PPP2R2B: variants seen among roughly 807,000 people sequenced by gnomAD.
The protein encoded by PPP2R2B is protein phosphatase 2 regulatory subunit Bbeta, also known as serine/threonine-protein phosphatase 2A 55 kDa regulatory subunit B beta isoform.
PPP2R2B carries 5 observed loss-of-function variants against 46.0 expected under a neutral mutation model. The ratio of observed to expected loss-of-function variants is 0.11; its 90% CI spans 0.06 to 0.23. PPP2R2B has a LOEUF of 0.23. Among genes scored for constraint, PPP2R2B ranks in the 10% least tolerant of loss-of-function variants. The probability of loss-of-function intolerance (pLI) is 1.00; values close to 1 mark genes in which losing one functional copy is unlikely to be tolerated. For missense variants in PPP2R2B, 367 were observed against 575.0 expected (o/e 0.64, Z 3.70); for synonymous variants, 215 against 206.7 (o/e 1.04, Z -0.34).
chr5:146,737,396 G>C (rs968603768), intron 2 of PPP2R2B, among the ~76,000 whole-genome samples: 15 of 152,212 alleles, frequency 9.9e-5, no homozygotes, highest in African/African-American at 3.6e-4. Flanking sequence ...TAAAGAGCCT[G>C]AAGAAAGTTA....
intron 2 of PPP2R2B, among the ~76,000 whole-genome samples, chr5:146,844,918 C>G (rs188743786): frequency 6.6e-6 from 1 of 152,176 alleles, no homozygotes; most frequent in African/African-American, 2.4e-5. Context: ...ATCAAGAAGC[C>G]CCTTCCCCTA....
Position 146,627,859 on chromosome 5 carries a change from A to C in PPP2R2B, c.790+10392T>G, listed in dbSNP as rs1375024288. Among the ~76,000 whole-genome samples, 3 of 152,206 alleles carry C rather than the reference A, an allele frequency of 2.0e-5. No homozygotes were observed. The South Asian group carries it at 6.2e-4, about 32-fold the overall frequency. On this transcript the variant is annotated intron_variant, in intron 7 of 9. Transcript: ENST00000394411. ...GAGGACAATGAAATTTCTGATTTGC[A>C]TTGTTGGACTGGGCATCAAACTTTG...
intron 2 of PPP2R2B, among the ~76,000 whole-genome samples, chr5:146,775,890 A>T (rs868199246): frequency 6.6e-6 from 1 of 152,168 alleles, no homozygotes; most frequent in East Asian, 1.9e-4. Flanking sequence ...AGCATAAAAA[A>T]TAATAAAATG....
rs552897015 is a variant in PPP2R2B at position 146,764,704 on chromosome 5, T to G, written c.71-63562A>C. Among the ~76,000 whole-genome samples the G allele has an allele frequency of 9.3e-4, 141 of 152,254 alleles. 1 individual carries two copies. In the South Asian group the frequency reaches 0.027, roughly 29 times the overall value. On this transcript the variant is annotated intron_variant, in intron 2 of 9. Transcript: ENST00000394411. Reference sequence around the variant, plus strand: ...GGGAATGTCACAGGTCCCAGGCCTTTTGGTGGCTGCTACAGTTAAGATAAT... The same window carrying G: ...GGGAATGTCACAGGTCCCAGGCCTTGTGGTGGCTGCTACAGTTAAGATAAT...
chr5:146,910,379 T>A (rs1335007633), intron 1 of PPP2R2B, among the ~76,000 whole-genome samples: 1 of 152,192 alleles, frequency 6.6e-6, no homozygotes, highest in East Asian at 1.9e-4. Context: ...ATGAGACAAG[T>A]GTAGTGCCTC....
intron 1 of PPP2R2B, among the ~76,000 whole-genome samples, chr5:146,999,962 C>T (rs2151868216): frequency 6.6e-6 from 1 of 152,324 alleles, no homozygotes; most frequent in South Asian, 2.1e-4. Context: ...GCTCCACCCT[C>T]AGCCTCTGAT....
chr5:146,902,110 C>T (rs1582391529), intron 1 of PPP2R2B, among the ~76,000 whole-genome samples: 1 of 152,168 alleles, frequency 6.6e-6, no homozygotes, highest in African/African-American at 2.4e-5. Flanking sequence ...ACCATGTGCA[C>T]ACTCCACTGG....
intron 1 of PPP2R2B, among the ~76,000 whole-genome samples, chr5:146,973,646 C>T (rs1166026940): frequency 6.6e-6 from 1 of 152,088 alleles, no homozygotes; most frequent in Admixed American, 6.5e-5. Context: ...AGAGAAATTG[C>T]CACTTGATTA....
chr5:147,081,182 A>C (rs968683019), intron 1 of PPP2R2B: 4 of 1,533,910 alleles, frequency 2.6e-6, no homozygotes, highest in Non-Finnish European at 3.5e-6. Context: ...AAGAGCTCCC[A>C]GTTGTTCTTA....
At chr5:146,748,089 G>T (rs1230772707) in intron 2 of PPP2R2B, among the ~76,000 whole-genome samples, 1 of 152,130 alleles carries the variant, frequency 6.6e-6, no homozygotes, top group Non-Finnish European at 1.5e-5. Context: ...CATTGTAACT[G>T]CATGACCTCA....
intron 2 of PPP2R2B, among the ~76,000 whole-genome samples, chr5:146,771,120 A>C (rs946987755): frequency 6.6e-6 from 1 of 152,160 alleles, no homozygotes; most frequent in Non-Finnish European, 1.5e-5. Flanking sequence ...TGGGAGAAGG[A>C]GGAGGATATA....
intron 2 of PPP2R2B, among the ~76,000 whole-genome samples, chr5:146,869,193 T>C (rs891157576): frequency 6.6e-6 from 1 of 152,204 alleles, no homozygotes. Context: ...TTTAAATGAC[T>C]GATCCAAGGT....
intron 2 of PPP2R2B, among the ~76,000 whole-genome samples, chr5:146,851,467 G>A (rs182919914): frequency 1.3e-5 from 2 of 152,232 alleles, no homozygotes; most frequent in East Asian, 1.9e-4. Flanking sequence ...TTCCATGTGA[G>A]TGAGATCATG....
At chr5:146,730,182 G>C (rs867106553) in intron 2 of PPP2R2B, among the ~76,000 whole-genome samples, 3 of 152,198 alleles carry the variant, frequency 2.0e-5, no homozygotes, top group South Asian at 2.1e-4. Context: ...AAATTTGACT[G>C]CCTCTCTGGA....
chr5:146,831,866 G>T (rs1758962700), intron 2 of PPP2R2B, among the ~76,000 whole-genome samples: 1 of 152,218 alleles, frequency 6.6e-6, no homozygotes, highest in South Asian at 2.1e-4. Context: ...TATTTTAGGT[G>T]ATGACAGCTC....
intron 2 of PPP2R2B, among the ~76,000 whole-genome samples, chr5:146,787,242 A>G (rs1755895667): frequency 6.6e-6 from 1 of 152,168 alleles, no homozygotes; most frequent in Non-Finnish European, 1.5e-5. Context: ...GGCAACCTGG[A>G]ATACTCCTAC....
At chr5:146,905,348 C>A (rs1161494401) in intron 1 of PPP2R2B, among the ~76,000 whole-genome samples, 3 of 152,170 alleles carry the variant, frequency 2.0e-5, no homozygotes, top group Non-Finnish European at 4.4e-5. Flanking sequence ...GAAATAAAAG[C>A]ATGTCCACAC....
intron 5 of PPP2R2B, among the ~76,000 whole-genome samples, chr5:146,687,385 T>C (rs566985966): frequency 6.6e-6 from 1 of 152,080 alleles, no homozygotes; most frequent in Non-Finnish European, 1.5e-5. Flanking sequence ...TCTACTTAAC[T>C]GCTTGGAGCC....
intron 2 of PPP2R2B, among the ~76,000 whole-genome samples, chr5:146,851,161 TCTC>T (rs963268619): frequency 5.9e-5 from 9 of 152,142 alleles, no homozygotes; most frequent in Admixed American, 4.6e-4. Context: ...GTGCCAATCA[TCTC>T]CTAATCCTGT....
Sources: gnomAD v4.1 joint callset for allele counts (sites outside exome capture counted in the v4.1 genomes callset) on GRCh38, gnomAD v4.1.1 for gene constraint, MANE v1.5 for transcripts, NCBI Gene and HGNC (gene_info 2026-07-23, HGNC 2026-07-21) for gene names.